The following AREL1 variants were observed in gnomAD, a reference collection of about 807,000 sequenced individuals.
AREL1 encodes the protein apoptosis resistant E3 ubiquitin protein ligase 1.
A neutral mutation model predicts 99.0 loss-of-function variants in AREL1; 62 were observed. That is an observed-to-expected ratio of 0.63 (90% confidence interval 0.51 to 0.77). The LOEUF (loss-of-function observed/expected upper bound fraction) is 0.77, where lower values mean the gene tolerates loss of function less well. AREL1 is among the 30% of genes least tolerant of loss of function. AREL1 has a pLI of 0.00. For missense variants in AREL1, 879 were observed against 1,027.6 expected (o/e 0.86, Z 1.98); for synonymous variants, 380 against 376.5 (o/e 1.01, Z -0.11).
chr14:74,699,272 C>T (rs1340821926), intron 1 of AREL1, among the ~76,000 whole-genome samples: 2 of 151,950 alleles, frequency 1.3e-5, no homozygotes, highest in Admixed American at 1.3e-4. Context: ...ACTTGGATTT[C>T]CTCCCACATC....
chr14:74,665,632 C>T (rs1419086751), intron 17 of AREL1, among the ~76,000 whole-genome samples: 2 of 152,178 alleles, frequency 1.3e-5, no homozygotes, highest in Non-Finnish European at 2.9e-5. Context: ...TTACTACCTT[C>T]CCTTCAGCTT....
chr14:74,683,467 G>A lies in AREL1; in HGVS notation c.310C>T (p.His104Tyr). The A allele has an allele frequency of 1.9e-6, 3 of 1,614,124 alleles. No individual in the cohort carries two copies. The highest frequency in any genetic ancestry group is 1.6e-4 in the Middle Eastern group (1 of 6,062). Residue 104 changes from histidine (H) to tyrosine (Y), a missense_variant, in exon 5 of 20, where the codon CAT (histidine) becomes TAT (tyrosine). His to Tyr is a moderately conservative substitution (Grantham distance 83). Transcript: ENST00000356357. ...RPVGLRVHISHVELAVEIPVT... is the reference protein window; with the variant it reads ...RPVGLRVHISYVELAVEIPVT... ...GGAATTTCCACTGCTAGCTCGACAT[G>A]AGAGATGTGAACTCTTAGTCCCACA...
At chr14:74,691,134 A>G (rs955609855) in intron 2 of AREL1, 2 of 152,490 alleles carry the variant, frequency 1.3e-5, no homozygotes, top group East Asian at 1.9e-4. Flanking sequence ...CCTGAGCAAC[A>G]TGGCAAAACC....
At chr14:74,712,481 T>C (rs2090331187) in intron 1 of AREL1, among the ~76,000 whole-genome samples, 1 of 152,178 alleles carries the variant, frequency 6.6e-6, no homozygotes, top group Non-Finnish European at 1.5e-5. Flanking sequence ...TACCTTTCGC[T>C]CCTTGTTCTC....
rs2089109936 is a variant in AREL1, at chr14:74,662,650, G to T, written c.*1070C>A. ...TTACTGTGTAACATATCACCTCCAT[G>T]TTCATCCCTAGTGTCCTGACGCCAA... On this transcript the variant is annotated 3_prime_UTR_variant, in exon 20 of 20. Transcript: ENST00000356357. 1 of 398,552 alleles carries T rather than the reference G, an allele frequency of 2.5e-6. No individual in the cohort carries two copies. Among genetic ancestry groups the T allele is most frequent in the Admixed American group, 4.4e-5 (1 of 22,730 alleles). 24.7% of individuals were successfully genotyped at this position (398,552 alleles called of 1,614,324 possible). A position where few individuals can be genotyped will look rare whatever the true frequency, so the allele number is the denominator to read the frequency against.
At chr14:74,693,648 G>A (rs1003318709) in intron 1 of AREL1, among the ~76,000 whole-genome samples, 3 of 152,144 alleles carry the variant, frequency 2.0e-5, no homozygotes, top group African/African-American at 7.2e-5. Context: ...GACACAGAAA[G>A]GTTAAAGTAC....
Position 74,667,427 on chromosome 14 carries a change from T to C in AREL1, c.2044+38A>G. 2.5e-6 allele frequency: 4 copies of C among 1,614,156 alleles called. No individual in the cohort carries two copies. The South Asian group carries it at 4.4e-5, about 18-fold the overall frequency. On this transcript the variant is annotated intron_variant, in intron 16 of 19. Transcript: ENST00000356357. ...GTCATACCCACACCATGGATACAGG[T>C]ATTTTAACTTCAAGGCCAAGAACAG...
rs547639633 is a variant in AREL1, at chr14:74,698,858, T to TAAAAA, written c.-333-6535_-333-6531dup. On this transcript the variant is annotated intron_variant, in intron 1 of 19. Coordinates refer to ENST00000356357, the MANE Select transcript of AREL1 (RefSeq NM_001039479.2). ...GGGTAACATAGTGAGATCCCATCTCTAAAAAAAAAAAAAAAAAAAGCTGGG... is the reference window on the plus strand; with the variant it reads ...GGGTAACATAGTGAGATCCCATCTCTAAAAAAAAAAAAAAAAAAAAAAAAGCTGGG... The TAAAAA allele has an allele frequency of 3.3e-3, 360 of 110,256 alleles. 10 individuals are homozygous for TAAAAA. The highest frequency in any genetic ancestry group is 0.032 in the Admixed American group (320 of 10,064). The allele number at this position is 110,256 out of a possible 1,614,324, so 6.8% of individuals were successfully genotyped here.
chr14:74,677,251 T>G (rs1367068268), intron 5 of AREL1, among the ~76,000 whole-genome samples: 1 of 151,340 alleles, frequency 6.6e-6, no homozygotes, highest in Non-Finnish European at 1.5e-5. Context: ...TCCCAGCACT[T>G]TGGGAGGCCA....
chr14:74,698,517 T>C (rs1413429263), intron 1 of AREL1, among the ~76,000 whole-genome samples: 1 of 152,216 alleles, frequency 6.6e-6, no homozygotes, highest in Admixed American at 6.5e-5. Flanking sequence ...GCATTTGCTA[T>C]ATACTGGGCT....
chr14:74,699,162 C>G (rs1040055396), intron 1 of AREL1, among the ~76,000 whole-genome samples: 7 of 152,136 alleles, frequency 4.6e-5, no homozygotes, highest in Non-Finnish European at 8.8e-5. Flanking sequence ...CAGTTTCATT[C>G]AACACTGTTT....
intron 8 of AREL1, 55 bp from the exon 9 acceptor site, chr14:74,674,166 T>G: frequency 7.0e-7 from 1 of 1,431,412 alleles, no homozygotes. Context: ...AGGCTCTATT[T>G]GGGTATTCTA....
Position 74,692,038 on chromosome 14 carries a change from T to G in AREL1, c.-46+3A>C, listed in dbSNP as rs544962591. On this transcript the variant is annotated splice_donor_region_variant and intron_variant, in intron 2 of 19. Coordinates refer to ENST00000356357, the MANE Select transcript of AREL1 (RefSeq NM_001039479.2). ...TAAAGCTTAACTCAGTCTGTTACCT[T>G]ACCTTTAAACGAGGGCCCATGTTCT... 132 of 380,288 alleles carry G rather than the reference T, an allele frequency of 3.5e-4. No homozygotes were observed. Among genetic ancestry groups the G allele is most frequent in the Non-Finnish European group, 5.4e-4 (107 of 198,830 alleles). The allele number at this position is 380,288 out of a possible 1,614,324, so 23.6% of individuals were successfully genotyped here.
intron 5 of AREL1, 54 bp downstream of exon 5, chr14:74,683,242 G>T: frequency 7.9e-7 from 1 of 1,269,620 alleles, no homozygotes; most frequent in Non-Finnish European, 1.1e-6. Context: ...AGACAGGATG[G>T]AAAGAGAGAG....
rs752822149 is a variant in AREL1 at position 74,684,587 on chromosome 14, T to A, written c.110A>T (p.Asp37Val). The change falls in exon 4 of 20, where the codon GAC (aspartate) becomes GTC (valine). Residue 37 changes from aspartate (D) to valine (V), a missense_variant. Transcript: ENST00000356357. Reference sequence around the variant, plus strand: ...AGTCCGGTCCCCTCGGCGCTCGCGGTCCTCATTCTGGAGGAAGCTGACTAC... The same window carrying A: ...AGTCCGGTCCCCTCGGCGCTCGCGGACCTCATTCTGGAGGAAGCTGACTAC... The part of the protein sequence containing the change: ...ARVVSFLQNE[D>V]RERRGDRTIY... The A allele has an allele frequency of 2.5e-6, 4 of 1,614,092 alleles. No individual in the cohort carries two copies. The African/African-American group carries it at 5.3e-5, about 22-fold the overall frequency.
At chr14:74,689,829 G>A (rs1268495508) in intron 2 of AREL1, among the ~76,000 whole-genome samples, 3 of 151,130 alleles carry the variant, frequency 2.0e-5, no homozygotes, top group Non-Finnish European at 3.0e-5. Context: ...CTCCCAACCT[G>A]AGGTGATCCG....
Position 74,674,028 on chromosome 14 carries a change from GCTTA to G in AREL1, c.1158+2_1158+5del. 1 of 1,606,142 alleles carries G rather than the reference GCTTA, an allele frequency of 6.2e-7. No homozygotes were observed. Among genetic ancestry groups the G allele is most frequent in the Non-Finnish European group, 8.5e-7 (1 of 1,172,866 alleles). Reference sequence around the variant, plus strand: ...TGATGTGAACCAGATGTAAGGTTCAGCTTACTTTTGTTCCTGGACACACTCGGAA... The same window carrying G: ...TGATGTGAACCAGATGTAAGGTTCAGCTTTTGTTCCTGGACACACTCGGAA... On this transcript the variant is annotated splice_donor_variant and splice_donor_5th_base_variant and intron_variant, in intron 9 of 19. Coordinates refer to ENST00000356357, the MANE Select transcript of AREL1 (RefSeq NM_001039479.2). LOFTEE classifies it high-confidence loss of function.
intron 5 of AREL1, chr14:74,678,370 C>T (rs771912272): frequency 1.1e-4 from 38 of 330,558 alleles, no homozygotes; most frequent in East Asian, 1.0e-4. Context: ...CGGTGGTGCA[C>T]GCCTGTAGTC....
chr14:74,702,399 G>C (rs1439694949), intron 1 of AREL1, among the ~76,000 whole-genome samples: 1 of 152,216 alleles, frequency 6.6e-6, no homozygotes, highest in Non-Finnish European at 1.5e-5. Context: ...GCCAAGGCTT[G>C]GGGCTTGCAC....
Sources: allele counts gnomAD v4.1 joint callset (sites outside exome capture counted in the v4.1 genomes callset), GRCh38; gene constraint gnomAD v4.1.1; transcripts MANE v1.5; gene names NCBI Gene and HGNC (gene_info 2026-07-23, HGNC 2026-07-21).